The following ZNF804B variants were observed in gnomAD, a reference collection of about 807,000 sequenced individuals.
ZNF804B encodes the protein zinc finger 804B.
In ZNF804B, 80 loss-of-function variants were observed where a neutral mutation model predicts 101.4. The observed-to-expected ratio is 0.79, with a 90% CI of 0.66 to 0.95. The LOEUF (loss-of-function observed/expected upper bound fraction) is 0.95. Among genes scored for constraint, ZNF804B ranks in the 40% least tolerant of loss-of-function variants. The pLI, the probability that ZNF804B is intolerant of heterozygous loss-of-function variation, is 0.00. For missense variants in ZNF804B, 1,673 were observed against 1,561.9 expected, an observed-to-expected ratio of 1.07 and a Z score of -1.20; for synonymous variants, 622 against 558.8, an observed-to-expected ratio of 1.11 and a Z score of -1.59.
intron 1 of ZNF804B, among the ~76,000 whole-genome samples, chr7:88,814,447 A>AC (rs1790841785): frequency 2.8e-5 from 4 of 141,280 alleles, no homozygotes; most frequent in Non-Finnish European, 4.7e-5. Context: ...CCTCCCTTCA[A>AC]ACACACACAC....
intron 1 of ZNF804B, among the ~76,000 whole-genome samples, chr7:88,875,200 G>A (rs1480016259): frequency 3.5e-5 from 5 of 144,360 alleles, no homozygotes; most frequent in Admixed American, 7.0e-5. Flanking sequence ...GCCCACAAGA[G>A]AAAGCAGGAA....
chr7:88,881,374 C>G (rs909818104), intron 1 of ZNF804B, among the ~76,000 whole-genome samples: 1 of 152,006 alleles, frequency 6.6e-6, no homozygotes, highest in African/African-American at 2.4e-5. Context: ...CAAATTTTTT[C>G]TTCTAGGTGC....
chr7:89,293,056 G>A (rs1415474785), intron 2 of ZNF804B, among the ~76,000 whole-genome samples: 1 of 151,554 alleles, frequency 6.6e-6, no homozygotes, highest in Admixed American at 6.6e-5. Context: ...ATTGTTTCAT[G>A]CTTTACATTT....
At chr7:88,961,532 A>G (rs998459587) in intron 1 of ZNF804B, among the ~76,000 whole-genome samples, 2 of 151,330 alleles carry the variant, frequency 1.3e-5, no homozygotes, top group Non-Finnish European at 3.0e-5. Context: ...TGCAGCAGTG[A>G]CCTCTTTACA....
chr7:88,889,035 G>A (rs924258432), intron 1 of ZNF804B, among the ~76,000 whole-genome samples: 1 of 152,092 alleles, frequency 6.6e-6, no homozygotes, highest in Admixed American at 6.6e-5. Context: ...TAGTGAGAAT[G>A]TGTAGTATTT....
At chr7:89,322,825 G>T (rs945626517) in intron 2 of ZNF804B, among the ~76,000 whole-genome samples, 1 of 152,098 alleles carries the variant, frequency 6.6e-6, no homozygotes, top group Non-Finnish European at 1.5e-5. Flanking sequence ...GGAAAACATG[G>T]CTTCAGTGGT....
chr7:88,967,306 G>A (rs1045801440), intron 1 of ZNF804B, among the ~76,000 whole-genome samples: 1 of 151,494 alleles, frequency 6.6e-6, no homozygotes, highest in Admixed American at 6.6e-5. Flanking sequence ...CATGCTGGCA[G>A]GAGTGAGAGA....
intron 1 of ZNF804B, among the ~76,000 whole-genome samples, chr7:89,215,635 G>C (rs1263612884): frequency 2.0e-5 from 3 of 151,864 alleles, no homozygotes; most frequent in African/African-American, 4.8e-5. Flanking sequence ...TGTAATCCTA[G>C]CACTTTGGGA....
At chr7:88,821,811 A>G (rs991989084) in intron 1 of ZNF804B, among the ~76,000 whole-genome samples, 2 of 152,118 alleles carry the variant, frequency 1.3e-5, no homozygotes, top group Non-Finnish European at 2.9e-5. Flanking sequence ...CATCTTATAT[A>G]TGTAGCATTT....
chr7:89,048,497 C>T (rs770853695), intron 1 of ZNF804B, among the ~76,000 whole-genome samples: 1 of 151,704 alleles, frequency 6.6e-6, no homozygotes. Flanking sequence ...AAGAGATGGT[C>T]TGTTCAGTTG....
chr7:88,947,315 A>T (rs968792581), intron 1 of ZNF804B, among the ~76,000 whole-genome samples: 1 of 151,946 alleles, frequency 6.6e-6, no homozygotes, highest in Non-Finnish European at 1.5e-5. Context: ...CATATATACA[A>T]CATGGAATAC....
intron 1 of ZNF804B, among the ~76,000 whole-genome samples, chr7:88,875,675 A>G (rs1791921754): frequency 6.6e-6 from 1 of 152,060 alleles, no homozygotes; most frequent in African/African-American, 2.4e-5. Context: ...TCAATAGCTT[A>G]CCAACCAAAA....
intron 1 of ZNF804B, among the ~76,000 whole-genome samples, chr7:88,990,591 C>G (rs1454268411): frequency 6.6e-6 from 1 of 152,094 alleles, no homozygotes; most frequent in African/African-American, 2.4e-5. Context: ...TTTCACCACT[C>G]TACCATATTG....
intron 1 of ZNF804B, among the ~76,000 whole-genome samples, chr7:89,196,843 T>C (rs952535177): frequency 6.6e-6 from 1 of 152,044 alleles, no homozygotes; most frequent in Non-Finnish European, 1.5e-5. Context: ...AAGACATATG[T>C]ACGATCAACA....
At chr7:89,233,890 C>T (rs1237786270) in intron 2 of ZNF804B, among the ~76,000 whole-genome samples, 2 of 152,198 alleles carry the variant, frequency 1.3e-5, no homozygotes, top group East Asian at 3.9e-4. Flanking sequence ...TCCCAAAGTG[C>T]TGGGATCACA....
chr7:88,764,728 C>A (rs1229463948), intron 1 of ZNF804B, among the ~76,000 whole-genome samples: 2 of 152,016 alleles, frequency 1.3e-5, no homozygotes, highest in African/African-American at 4.8e-5. Flanking sequence ...TTTCATTATG[C>A]CTAATAAATA....
At chr7:89,032,941 T>G (rs1251557288) in intron 1 of ZNF804B, among the ~76,000 whole-genome samples, 1 of 152,058 alleles carries the variant, frequency 6.6e-6, no homozygotes, top group Non-Finnish European at 1.5e-5. Context: ...GTTATCATGT[T>G]TTGTGATAAA....
intron 1 of ZNF804B, among the ~76,000 whole-genome samples, chr7:89,185,907 C>T (rs1788368084): frequency 1.3e-5 from 2 of 151,680 alleles, no homozygotes; most frequent in African/African-American, 4.8e-5. Context: ...AAAAAAGACA[C>T]AATTTTAAAA....
chr7:88,968,320 T>G (rs1793486289), intron 1 of ZNF804B, among the ~76,000 whole-genome samples: 1 of 151,594 alleles, frequency 6.6e-6, no homozygotes, highest in Admixed American at 6.6e-5. Flanking sequence ...GCACATGTTG[T>G]ACCTTCCCTG....
Sources: gnomAD v4.1 joint callset for allele counts (sites outside exome capture counted in the v4.1 genomes callset) on GRCh38, gnomAD v4.1.1 for gene constraint, MANE v1.5 for transcripts, NCBI Gene and HGNC (gene_info 2026-07-23, HGNC 2026-07-21) for gene names.